Variants in SPIRE1 observed in about 807,000 individuals in gnomAD.
The protein encoded by SPIRE1 is spire type actin nucleation factor 1.
A neutral mutation model predicts 94.1 loss-of-function variants in SPIRE1; 40 were observed. The observed-to-expected ratio is 0.43, with a 90% CI of 0.33 to 0.55. The LOEUF (loss-of-function observed/expected upper bound fraction) is 0.55. Among genes scored for constraint, SPIRE1 ranks in the 20% least tolerant of loss-of-function variants. SPIRE1 has a pLI of 0.06. For missense variants in SPIRE1, 838 were observed against 975.2 expected, an observed-to-expected ratio of 0.86 and a Z score of 1.87; for synonymous variants, 376 against 371.7, an observed-to-expected ratio of 1.01 and a Z score of -0.13.
chr18:12,486,727 G>C (rs1306049452), intron 8 of SPIRE1, among the ~76,000 whole-genome samples: 1 of 152,204 alleles, frequency 6.6e-6, no homozygotes, highest in East Asian at 1.9e-4. Flanking sequence ...GCTTAGAATA[G>C]TGCTTGACAC....
At chr18:12,500,219 C>T (rs188802743) in intron 6 of SPIRE1, among the ~76,000 whole-genome samples, 42 of 152,276 alleles carry the variant, frequency 2.8e-4, no homozygotes, top group Middle Eastern at 3.4e-3. Flanking sequence ...GAAACCCAGT[C>T]TCTACCAGCA....
At chr18:12,544,682 T>C (rs968186823) in intron 3 of SPIRE1, among the ~76,000 whole-genome samples, 1 of 152,072 alleles carries the variant, frequency 6.6e-6, no homozygotes, top group Non-Finnish European at 1.5e-5. Flanking sequence ...TAACTATTCA[T>C]TTTTCATATA....
At chr18:12,646,507 C>T (rs2038229871) in intron 1 of SPIRE1, among the ~76,000 whole-genome samples, 1 of 152,038 alleles carries the variant, frequency 6.6e-6, no homozygotes, top group African/African-American at 2.4e-5. Flanking sequence ...ATGGGAATAT[C>T]GCTAACATGG....
intron 2 of SPIRE1, among the ~76,000 whole-genome samples, chr18:12,549,436 G>GTTTTTTTTTTTTTTTTTTTTTTTTT (rs1345452411): frequency 1.5e-4 from 8 of 51,918 alleles, no homozygotes; most frequent in Non-Finnish European, 2.6e-4. Flanking sequence ...TTTTGTTATT[G>GTTTTTTTTTTTTTTTTTTTTTTTTT]TTGTTTTTTT....
intron 2 of SPIRE1, among the ~76,000 whole-genome samples, chr18:12,547,115 A>G (rs996032023): frequency 1.2e-4 from 18 of 152,312 alleles, no homozygotes; most frequent in African/African-American, 4.3e-4. Context: ...GATTTTCCAC[A>G]TTTCCCAAAG....
At chr18:12,611,938 T>G (rs767344118) in intron 2 of SPIRE1, among the ~76,000 whole-genome samples, 14 of 152,118 alleles carry the variant, frequency 9.2e-5, no homozygotes, top group Non-Finnish European at 1.9e-4. Flanking sequence ...CCTCCCAAAG[T>G]GCTGAGATTA....
chr18:12,483,239 C>T (rs768681634), intron 9 of SPIRE1, among the ~76,000 whole-genome samples: 12 of 152,138 alleles, frequency 7.9e-5, no homozygotes, highest in South Asian at 2.1e-4. Flanking sequence ...GGATTATAGG[C>T]GTGAGCCACT....
At chr18:12,454,075 G>T (rs2031385007) in intron 13 of SPIRE1, among the ~76,000 whole-genome samples, 1 of 152,182 alleles carries the variant, frequency 6.6e-6, no homozygotes, top group Non-Finnish European at 1.5e-5. Context: ...GAGCCACCAT[G>T]CCTGGCCACA....
At chr18:12,454,511 G>A (rs1219600633) in intron 12 of SPIRE1, 28 bp from the exon 13 acceptor site, 1 of 1,612,178 alleles carries the variant, frequency 6.2e-7, no homozygotes, top group Non-Finnish European at 8.5e-7. Context: ...ACGTGAATAA[G>A]AGATTCCTAC....
At chr18:12,579,701 C>G (rs1451382294) in intron 2 of SPIRE1, among the ~76,000 whole-genome samples, 1 of 152,206 alleles carries the variant, frequency 6.6e-6, no homozygotes, top group East Asian at 1.9e-4. Flanking sequence ...GCAACATTCA[C>G]AAAGGTATGA....
At chr18:12,548,510 A>G (rs917552013) in intron 2 of SPIRE1, among the ~76,000 whole-genome samples, 1 of 152,226 alleles carries the variant, frequency 6.6e-6, no homozygotes, top group African/African-American at 2.4e-5. Context: ...CTAAGTTTTT[A>G]AACAATACTG....
chr18:12,464,787 C>T (rs1023476365), intron 11 of SPIRE1, 81 bp downstream of exon 11: 15 of 1,117,638 alleles, frequency 1.3e-5, no homozygotes, highest in Middle Eastern at 2.0e-4. Context: ...GATCACAGGG[C>T]GCTCTGGGAT....
At chr18:12,572,311 C>A (rs2035977072) in intron 2 of SPIRE1, among the ~76,000 whole-genome samples, 1 of 152,046 alleles carries the variant, frequency 6.6e-6, no homozygotes, top group Admixed American at 6.6e-5. Context: ...GATCTCATCT[C>A]ATTTTTTTTT....
At chr18:12,481,460 T>C (rs2032839937) in intron 9 of SPIRE1, among the ~76,000 whole-genome samples, 2 of 151,982 alleles carry the variant, frequency 1.3e-5, no homozygotes, top group South Asian at 4.1e-4. Context: ...TTACAAATGA[T>C]ATATATCTTA....
chr18:12,469,306 G>A (rs1469123509), intron 10 of SPIRE1, among the ~76,000 whole-genome samples: 3 of 151,636 alleles, frequency 2.0e-5, no homozygotes, highest in Admixed American at 6.6e-5. Flanking sequence ...GGGTTCAAGC[G>A]ATTCTCCTGC....
chr18:12,535,450 AT>A, intron 4 of SPIRE1, 25 bp downstream of exon 4: 1 of 1,589,876 alleles, frequency 6.3e-7, no homozygotes, highest in Non-Finnish European at 8.6e-7. Context: ...AACAATGCCA[AT>A]AAATATCAAA....
intron 2 of SPIRE1, among the ~76,000 whole-genome samples, chr18:12,609,858 G>T (rs976034290): frequency 1.3e-5 from 2 of 151,106 alleles, no homozygotes; most frequent in Non-Finnish European, 2.9e-5. Context: ...AGAGGCTTCC[G>T]GTGTAACCTC....
At chr18:12,609,083 T>C (rs2037065978) in intron 2 of SPIRE1, among the ~76,000 whole-genome samples, 1 of 152,082 alleles carries the variant, frequency 6.6e-6, no homozygotes, top group South Asian at 2.1e-4. Context: ...CAGTTCACAA[T>C]AGGGTTCGAG....
At chr18:12,579,540 T>C (rs1159032627) in intron 2 of SPIRE1, among the ~76,000 whole-genome samples, 1 of 152,172 alleles carries the variant, frequency 6.6e-6, no homozygotes, top group Non-Finnish European at 1.5e-5. Flanking sequence ...TTTGGAATGA[T>C]GAGAAAGTTT....
Sources: gnomAD v4.1 joint callset for allele counts (sites outside exome capture counted in the v4.1 genomes callset) on GRCh38, gnomAD v4.1.1 for gene constraint, MANE v1.5 for transcripts, NCBI Gene and HGNC (gene_info 2026-07-23, HGNC 2026-07-21) for gene names.